The following CCNJL variants were observed in gnomAD, a reference collection of about 807,000 sequenced individuals.
CCNJL encodes cyclin J like, also known as cyclin-J-like protein.
In CCNJL, 33 loss-of-function variants were observed where a neutral mutation model predicts 33.4. The observed-to-expected ratio is 0.99, with a 90% CI of 0.75 to 1.32. The LOEUF (loss-of-function observed/expected upper bound fraction) is 1.32. Ranked by LOEUF, CCNJL falls within the 40% of genes most tolerant of loss-of-function variation. The pLI, the probability that CCNJL is intolerant of heterozygous loss-of-function variation, is 0.00. For synonymous variants in CCNJL, 227 were observed against 220.9 expected (o/e 1.03, Z -0.24); for missense variants, 512 against 499.7 (o/e 1.02, Z -0.23).
In CCNJL at chr5:160,253,710, C is replaced by T. The variant is rs1428995431; in HGVS notation, c.832G>A (p.Val278Met). The change falls in exon 6 of 6, where the codon GTG becomes ATG. Residue 278 changes from valine to methionine, a missense_variant. Physicochemically the swap from Val to Met is conservative, Grantham distance 21. Coordinates refer to ENST00000257536, the MANE Select transcript of CCNJL (RefSeq NM_001308173.3). ...GGGTAGGCTGGTGGCTGGAACAGCA[C>T]TTGAGTGGGGGTGGGGGGTGTGCCG... ...VPGTPPTPTQ[V>M]LFQPPAYPAL... 6.3e-7 allele frequency: 1 copy of T among 1,598,920 alleles called. No individual in the cohort carries two copies. Among genetic ancestry groups the T allele is most frequent in the Admixed American group, 1.7e-5 (1 of 59,058 alleles).
Position 160,259,519 on chromosome 5 carries a change from T to C in CCNJL, c.533A>G (p.Lys178Arg). 1 of 1,614,054 alleles carries C rather than the reference T, an allele frequency of 6.2e-7. No individual in the cohort carries two copies. The highest frequency in any genetic ancestry group is 1.1e-5 in the South Asian group (1 of 91,072). The change falls in exon 4 of 6, where the codon AAA becomes AGA. Residue 178 changes from lysine (K) to arginine (R), a missense_variant. Physicochemically the swap from Lys to Arg is conservative, Grantham distance 26. Transcript: ENST00000257536. ...ATGGGCATACTCCTTGAGGCACTCT[T>C]TGGTCTTGCGGGGGCAGGTGGTGGG... ...TWPTTCPRKT[K>R]ECLKEYAHYF...
At chr5:160,314,730 A>T (rs1000091299), upstream of CCNJL, among the ~76,000 whole-genome samples, 4 of 152,264 alleles carry the variant, frequency 2.6e-5, no homozygotes, top group African/African-American at 9.6e-5. Flanking sequence ...TATGTAAAAC[A>T]TTAACACCCT....
intron 1 of CCNJL, among the ~76,000 whole-genome samples, chr5:160,329,967 C>T: frequency 6.6e-6 from 1 of 152,294 alleles, no homozygotes; most frequent in Admixed American, 6.5e-5. Context: ...GCAAGACCCC[C>T]ACCCCTGCCT....
At chr5:160,328,675 G>A (rs1387857286) in intron 1 of CCNJL, among the ~76,000 whole-genome samples, 1 of 149,920 alleles carries the variant, frequency 6.7e-6, no homozygotes. Context: ...TTCAAGACCA[G>A]CCTGACCAAT....
At chr5:160,275,911 T>C (rs1236048683) in intron 3 of CCNJL, among the ~76,000 whole-genome samples, 1 of 152,038 alleles carries the variant, frequency 6.6e-6, no homozygotes, top group African/African-American at 2.4e-5. Flanking sequence ...AATTACCACA[T>C]GACCCATAAT....
Position 160,326,800 on chromosome 5 carries a change from T to C in CCNJL, n.207-11295A>G, listed in dbSNP as rs756038812. 256 of 850,570 alleles carry C rather than the reference T, an allele frequency of 3.0e-4. 3 individuals are homozygous for C. Among genetic ancestry groups the C allele is most frequent in the Non-Finnish European group, 5.4e-5 (27 of 501,678 alleles). The allele number at this position is 850,570 out of a possible 1,614,324, so 52.7% of individuals were successfully genotyped here. A position where few individuals can be genotyped will look rare whatever the true frequency, so the allele number is the denominator to read the frequency against. On this transcript the variant is annotated intron_variant and non_coding_transcript_variant, in intron 1 of 7. Coordinates refer to the CCNJL transcript ENST00000377503. ...TAGATCGCAGATTCAGGTGTGGCTC[T>C]ATGAGCAAGTGAATATGCGGATAGA...
chr5:160,288,511 AT>A (rs1410162531), intron 2 of CCNJL, among the ~76,000 whole-genome samples: 1 of 151,988 alleles, frequency 6.6e-6, no homozygotes, highest in African/African-American at 2.4e-5. Context: ...GGAATTTTCC[AT>A]TTTTTTCTTT....
At chr5:160,320,985 T>TCC (rs1561812657) in intron 1 of CCNJL, among the ~76,000 whole-genome samples, 7 of 78,936 alleles carry the variant, frequency 8.9e-5, no homozygotes, top group African/African-American at 4.6e-4. Flanking sequence ...TCCCTCTCTC[T>TCC]CTTTCTTTCT....
intron 2 of CCNJL, among the ~76,000 whole-genome samples, chr5:160,304,161 T>TGA (rs1431000124): frequency 2.0e-5 from 3 of 152,228 alleles, no homozygotes; most frequent in African/African-American, 7.2e-5. Flanking sequence ...GACCATGTCT[T>TGA]GACTGGGTAT....
At chr5:160,337,510 C>G (rs1233713506) in intron 1 of CCNJL, among the ~76,000 whole-genome samples, 1 of 152,150 alleles carries the variant, frequency 6.6e-6, no homozygotes, top group Non-Finnish European at 1.5e-5. Context: ...CTGCAGGGCC[C>G]TACATGATCT....
At chr5:160,282,085 C>T (rs986902759) in intron 2 of CCNJL, among the ~76,000 whole-genome samples, 15 of 152,328 alleles carry the variant, frequency 9.8e-5, no homozygotes, top group Non-Finnish European at 1.5e-4. Flanking sequence ...TTATGGCAGG[C>T]TCACAACGGG....
At chr5:160,300,010 A>G (rs934619121) in intron 2 of CCNJL, among the ~76,000 whole-genome samples, 9 of 152,012 alleles carry the variant, frequency 5.9e-5, no homozygotes, top group Non-Finnish European at 1.3e-4. Context: ...AACTGAATCT[A>G]TCCAATTCCC....
chr5:160,253,716 T>C lies in CCNJL; in HGVS notation c.826A>G (p.Thr276Ala). The C allele has an allele frequency of 6.3e-7, 1 of 1,589,536 alleles. No homozygotes were observed. Residue 276 changes from threonine (T) to alanine (A), a missense_variant, in exon 6 of 6, where the codon ACT (threonine) becomes GCT (alanine). By Grantham distance (58) the Thr-to-Ala change is moderately conservative. Coordinates refer to ENST00000257536, the MANE Select transcript of CCNJL (RefSeq NM_001308173.3). ...GCTGGTGGCTGGAACAGCACTTGAGTGGGGGTGGGGGGTGTGCCGGGCACC... is the reference window on the plus strand; with the variant it reads ...GCTGGTGGCTGGAACAGCACTTGAGCGGGGGTGGGGGGTGTGCCGGGCACC... ...AMVPGTPPTP[T>A]QVLFQPPAYP...
At chr5:160,276,996 T>C (rs1762036876) in intron 3 of CCNJL, among the ~76,000 whole-genome samples, 1 of 152,140 alleles carries the variant, frequency 6.6e-6, no homozygotes, top group African/African-American at 2.4e-5. Flanking sequence ...TTTCTCCATG[T>C]TGGCCAGGCT....
chr5:160,284,994 G>A (rs1046869426), intron 2 of CCNJL, among the ~76,000 whole-genome samples: 7 of 151,914 alleles, frequency 4.6e-5, no homozygotes, highest in African/African-American at 1.7e-4. Flanking sequence ...GGAGGTCGAC[G>A]GGGGTGGATC....
chr5:160,289,785 T>C (rs11953349), intron 2 of CCNJL, among the ~76,000 whole-genome samples: 11,774 of 152,190 alleles, frequency 0.077, 513 homozygotes, highest in South Asian at 0.22. Context: ...GTCTGGTCCT[T>C]GGCTGCTTTT....
chr5:160,311,157 G>A (rs1342985046), intron 2 of CCNJL, among the ~76,000 whole-genome samples: 5 of 152,080 alleles, frequency 3.3e-5, no homozygotes, highest in Non-Finnish European at 5.9e-5. Context: ...TTCTCTCCTT[G>A]AGGGGAGGGG....
chr5:160,258,668 A>G, intron 4 of CCNJL: 1 of 871,332 alleles, frequency 1.1e-6, no homozygotes, highest in African/African-American at 1.7e-5. Flanking sequence ...TTTGGTCTGC[A>G]GCTGTTTTAC....
chr5:160,335,568 G>GTCTT (rs1409620295), intron 1 of CCNJL, among the ~76,000 whole-genome samples: 1 of 151,702 alleles, frequency 6.6e-6, no homozygotes, highest in Non-Finnish European at 1.5e-5. Flanking sequence ...TCATTCCTTC[G>GTCTT]TCTTTCTTTC....
Sources: gnomAD v4.1 joint callset for allele counts (sites outside exome capture counted in the v4.1 genomes callset) on GRCh38, gnomAD v4.1.1 for gene constraint, MANE v1.5 for transcripts, NCBI Gene and HGNC (gene_info 2026-07-23, HGNC 2026-07-21) for gene names.